The following FHOD3 variants were observed in gnomAD, a reference collection of about 807,000 sequenced individuals.
FHOD3 encodes FH1/FH2 domain-containing protein 3.
Under a neutral mutation model 173.0 loss-of-function variants are expected in FHOD3, and 90 were observed. The observed-to-expected ratio is 0.52, with a 90% CI of 0.44 to 0.62. The LOEUF (loss-of-function observed/expected upper bound fraction) is 0.62. Among genes scored for constraint, FHOD3 ranks in the 20% least tolerant of loss-of-function variants. The probability of loss-of-function intolerance (pLI) is 0.00; values close to 1 mark genes in which losing one functional copy is unlikely to be tolerated. For synonymous variants in FHOD3, 828 were observed against 823.0 expected (o/e 1.01, Z -0.10); for missense variants, 1,945 against 2,034.7 (o/e 0.96, Z 0.85).
intron 3 of FHOD3, among the ~76,000 whole-genome samples, chr18:36,450,964 G>GGTCTTACA: frequency 6.6e-6 from 1 of 152,146 alleles, no homozygotes. Context: ...CAGTCTCTGA[G>GGTCTTACA]GTCTTACATC....
At chr18:36,365,193 T>A (rs1417747256) in intron 2 of FHOD3, among the ~76,000 whole-genome samples, 1 of 152,168 alleles carries the variant, frequency 6.6e-6, no homozygotes, top group Non-Finnish European at 1.5e-5. Context: ...TAGGCAGTCA[T>A]GGTTCTTGCC....
At chr18:36,649,779 A>C (rs1198158015) in intron 11 of FHOD3, among the ~76,000 whole-genome samples, 1 of 152,200 alleles carries the variant, frequency 6.6e-6, no homozygotes, top group Non-Finnish European at 1.5e-5. Context: ...AGAATTCCAT[A>C]TGTTCCTTTC....
At chr18:36,701,006 A>G (rs1414095869) in intron 17 of FHOD3, among the ~76,000 whole-genome samples, 2 of 152,196 alleles carry the variant, frequency 1.3e-5, no homozygotes, top group Non-Finnish European at 2.9e-5. Context: ...CTCACTGTCC[A>G]TGTGATAAGT....
intron 3 of FHOD3, among the ~76,000 whole-genome samples, chr18:36,458,895 C>T (rs1033800754): frequency 1.3e-5 from 2 of 152,244 alleles, no homozygotes; most frequent in East Asian, 1.9e-4. Context: ...TATTTCTGCA[C>T]GTATCCTTTC....
chr18:36,491,288 G>GA (rs1028761679), intron 3 of FHOD3, among the ~76,000 whole-genome samples: 2 of 152,032 alleles, frequency 1.3e-5, no homozygotes, highest in Admixed American at 6.6e-5. Context: ...AAATTTTACA[G>GA]AAAAAAATAT....
chr18:36,708,717 C>G (rs1391097366), intron 17 of FHOD3, among the ~76,000 whole-genome samples: 1 of 152,194 alleles, frequency 6.6e-6, no homozygotes, highest in Non-Finnish European at 1.5e-5. Context: ...TGGTGGTTCT[C>G]AGCTTCTAGA....
chr18:36,519,216 T>G (rs1446155361), intron 5 of FHOD3, among the ~76,000 whole-genome samples: 1 of 152,182 alleles, frequency 6.6e-6, no homozygotes, highest in Non-Finnish European at 1.5e-5. Flanking sequence ...TGGACTTAAA[T>G]TGGACAGTTC....
chr18:36,362,488 C>T (rs147969811), intron 2 of FHOD3, among the ~76,000 whole-genome samples: 337 of 152,308 alleles, frequency 2.2e-3, no homozygotes, highest in African/African-American at 7.6e-3. Context: ...GAGGTTATGG[C>T]AAGCCACACA....
intron 5 of FHOD3, among the ~76,000 whole-genome samples, chr18:36,574,323 A>T (rs2058567760): frequency 6.6e-6 from 1 of 152,114 alleles, no homozygotes; most frequent in African/African-American, 2.4e-5. Flanking sequence ...ACACTACCTT[A>T]TTATTATTTT....
At chr18:36,359,299 C>T (rs1456801861) in intron 2 of FHOD3, among the ~76,000 whole-genome samples, 1 of 152,190 alleles carries the variant, frequency 6.6e-6, no homozygotes, top group Non-Finnish European at 1.5e-5. Context: ...TATGCCAAGA[C>T]TAAAAATTAA....
intron 3 of FHOD3, among the ~76,000 whole-genome samples, chr18:36,483,359 T>A (rs1289676934): frequency 6.6e-6 from 1 of 152,132 alleles, no homozygotes; most frequent in Non-Finnish European, 1.5e-5. Context: ...CTCAGCCAGA[T>A]GCTCCACTCA....
At chr18:36,355,515 TA>T (rs771237358) in intron 1 of FHOD3, 23 bp from the exon 2 acceptor site, 1 of 1,600,366 alleles carries the variant, frequency 6.2e-7, no homozygotes, top group Non-Finnish European at 8.6e-7. Context: ...GCAGGTTGGG[TA>T]TAACAGGCTC....
intron 3 of FHOD3, among the ~76,000 whole-genome samples, chr18:36,463,211 C>T (rs1443819707): frequency 1.3e-5 from 2 of 151,226 alleles, no homozygotes; most frequent in South Asian, 4.1e-4. Flanking sequence ...TCTTCCATTT[C>T]CATTATCTCT....
chr18:36,399,805 G>A (rs528067364), intron 3 of FHOD3, among the ~76,000 whole-genome samples: 7 of 152,342 alleles, frequency 4.6e-5, no homozygotes, highest in Admixed American at 2.0e-4. Context: ...CCGCCAGGAA[G>A]ATGCTCTGAG....
chr18:36,616,596 C>A (rs2033226074), intron 9 of FHOD3, among the ~76,000 whole-genome samples: 1 of 152,200 alleles, frequency 6.6e-6, no homozygotes, highest in African/African-American at 2.4e-5. Context: ...ACAAATGAAG[C>A]ATATTTGTGT....
chr18:36,504,078 G>A (rs1310891869), intron 4 of FHOD3, among the ~76,000 whole-genome samples: 3 of 152,094 alleles, frequency 2.0e-5, no homozygotes, highest in Non-Finnish European at 2.9e-5. Context: ...CCACCACCAC[G>A]CTTGGCTAAT....
chr18:36,433,753 G>A (rs1216633249), intron 3 of FHOD3, among the ~76,000 whole-genome samples: 4 of 125,372 alleles, frequency 3.2e-5, no homozygotes, highest in African/African-American at 1.2e-4. Flanking sequence ...GGACTCATGT[G>A]ATGAGTTACA....
intron 3 of FHOD3, among the ~76,000 whole-genome samples, chr18:36,391,810 T>C (rs570218931): frequency 1.3e-5 from 2 of 152,154 alleles, no homozygotes; most frequent in Non-Finnish European, 2.9e-5. Context: ...GCTGGTGGCT[T>C]TCCAGACAAA....
At chr18:36,364,724 G>A (rs1300742941) in intron 2 of FHOD3, among the ~76,000 whole-genome samples, 2 of 152,158 alleles carry the variant, frequency 1.3e-5, no homozygotes, top group Non-Finnish European at 2.9e-5. Flanking sequence ...CCCATTATAA[G>A]GCAGAAAGGG....
Sources: gnomAD v4.1 joint callset for allele counts (sites outside exome capture counted in the v4.1 genomes callset) on GRCh38, gnomAD v4.1.1 for gene constraint, MANE v1.5 for transcripts, NCBI Gene and HGNC (gene_info 2026-07-23, HGNC 2026-07-21) for gene names.